FAAH2: variants seen among roughly 807,000 people sequenced by gnomAD.
FAAH2 encodes the protein fatty acid amide hydrolase 2.
A neutral mutation model predicts 36.9 loss-of-function variants in FAAH2; 60 were observed. The observed-to-expected ratio is 1.63, with a 90% CI of 1.32 to 2.02. FAAH2 has a LOEUF of 2.02. Ranked by LOEUF, FAAH2 falls within the 30% of genes most tolerant of loss-of-function variation. FAAH2 has a pLI of 0.00. For synonymous variants in FAAH2, 214 were observed against 143.8 expected, an observed-to-expected ratio of 1.49 and a Z score of -3.49; for missense variants, 689 against 397.5, an observed-to-expected ratio of 1.73 and a Z score of -6.23.
At chrX:57,274,017 G>A in the FAAH2 span, among the ~76,000 whole-genome samples, 23 of 110,861 alleles carry the variant, frequency 2.1e-4, no homozygotes, top group African/African-American at 7.2e-4. Context: ...CTGCTAGCCA[G>A]ACTAATACAG....
the FAAH2 span, among the ~76,000 whole-genome samples, chrX:57,150,283 G>A: frequency 8.9e-6 from 1 of 111,808 alleles, no homozygotes; most frequent in Middle Eastern, 4.6e-3. Flanking sequence ...GGTGCACTTG[G>A]TGCACAGCTG....
intron 7 of FAAH2, among the ~76,000 whole-genome samples, chrX:57,429,243 G>T (rs772535850): frequency 9.2e-6 from 1 of 108,431 alleles, no homozygotes; most frequent in African/African-American, 3.4e-5. Flanking sequence ...GGAGGCTGAG[G>T]CAGGAGAATG....
chrX:57,251,118 T>A, the FAAH2 span, among the ~76,000 whole-genome samples: 1 of 111,811 alleles, frequency 8.9e-6, no homozygotes, highest in South Asian at 3.7e-4. Context: ...GCTGGCCAAC[T>A]GAATTCAAAT....
chrX:57,319,885 A>T (rs922552568), intron 3 of FAAH2, among the ~76,000 whole-genome samples: 3 of 111,874 alleles, frequency 2.7e-5, no homozygotes, highest in Non-Finnish European at 5.6e-5. Context: ...CAGCAATCTG[A>T]TCTTTGACAA....
chrX:57,416,085 A>G (rs774203311), intron 7 of FAAH2, among the ~76,000 whole-genome samples: 1 of 110,392 alleles, frequency 9.1e-6, no homozygotes, highest in South Asian at 3.9e-4. Flanking sequence ...CTAGGTAAAT[A>G]TTCCTTCATC....
the FAAH2 span, among the ~76,000 whole-genome samples, chrX:57,144,776 G>GT: frequency 2.7e-5 from 3 of 110,528 alleles, no homozygotes; most frequent in Admixed American, 9.7e-5. Flanking sequence ...ACAATGTTTG[G>GT]TTTTTTATTC....
chrX:57,389,304 A>G (rs1465719296), intron 7 of FAAH2, among the ~76,000 whole-genome samples: 1 of 101,805 alleles, frequency 9.8e-6, no homozygotes, highest in Non-Finnish European at 2.0e-5. Context: ...ATATATATAT[A>G]TACATATATA....
intron 1 of FAAH2, among the ~76,000 whole-genome samples, chrX:57,288,682 A>T (rs2051891595): frequency 9.0e-6 from 1 of 110,710 alleles, no homozygotes; most frequent in African/African-American, 3.3e-5. Context: ...TGTGTCTCTG[A>T]TGTCCTTTAA....
At chrX:57,156,417 C>T in the FAAH2 span, among the ~76,000 whole-genome samples, 1 of 111,775 alleles carries the variant, frequency 8.9e-6, no homozygotes, top group Non-Finnish European at 1.9e-5. Context: ...TATCATGTCT[C>T]CTGGATGTTC....
the FAAH2 span, among the ~76,000 whole-genome samples, chrX:57,223,357 G>A: frequency 9.0e-6 from 1 of 111,580 alleles, no homozygotes; most frequent in African/African-American, 3.3e-5. Context: ...GGACTTCCAA[G>A]CCCAAAACCT....
chrX:57,225,135 T>G, the FAAH2 span, among the ~76,000 whole-genome samples: 1 of 111,828 alleles, frequency 8.9e-6, no homozygotes, highest in Non-Finnish European at 1.9e-5. Context: ...TTTTTTCAAT[T>G]TCATGCAGTT....
intron 10 of FAAH2, among the ~76,000 whole-genome samples, chrX:57,469,920 A>G (rs1326405809): frequency 2.7e-5 from 3 of 112,052 alleles, no homozygotes; most frequent in Non-Finnish European, 5.6e-5. Context: ...CAGTGCAATC[A>G]AACTAGAACT....
intron 4 of FAAH2, among the ~76,000 whole-genome samples, chrX:57,337,523 C>G (rs1434631152): frequency 1.8e-5 from 2 of 111,778 alleles, no homozygotes; most frequent in Non-Finnish European, 3.8e-5. Flanking sequence ...TACTGGCAAA[C>G]AGAATTTAGC....
the FAAH2 span, among the ~76,000 whole-genome samples, chrX:57,185,514 G>T: frequency 9.2e-6 from 1 of 109,183 alleles, no homozygotes; most frequent in Non-Finnish European, 1.9e-5. Flanking sequence ...GTGTGTGTGT[G>T]TGTGTGTGTG....
At chrX:57,354,575 G>A (rs1480795401) in intron 5 of FAAH2, among the ~76,000 whole-genome samples, 1 of 110,318 alleles carries the variant, frequency 9.1e-6, no homozygotes, top group Admixed American at 9.7e-5. Context: ...TCATAAATTT[G>A]TACAAAACTA....
chrX:57,270,352 C>T, the FAAH2 span, among the ~76,000 whole-genome samples: 4 of 111,629 alleles, frequency 3.6e-5, no homozygotes, highest in Non-Finnish European at 7.5e-5. Flanking sequence ...ATGGACGCCT[C>T]CTTAATTCAT....
At chrX:57,208,172 A>T in the FAAH2 span, among the ~76,000 whole-genome samples, 56 of 112,331 alleles carry the variant, frequency 5.0e-4, no homozygotes, top group South Asian at 7.9e-3. Context: ...TATTCTCCGG[A>T]AAAGAAAGAT....
intron 3 of FAAH2, among the ~76,000 whole-genome samples, chrX:57,327,959 A>G (rs1162756609): frequency 9.0e-6 from 1 of 110,841 alleles, no homozygotes; most frequent in Non-Finnish European, 1.9e-5. Context: ...TTTTTTCCCC[A>G]TCTTTGTGGT....
At chrX:57,444,909 G>A (rs2056641194) in intron 8 of FAAH2, among the ~76,000 whole-genome samples, 1 of 111,618 alleles carries the variant, frequency 9.0e-6, no homozygotes, top group South Asian at 3.7e-4. Flanking sequence ...AAGTTCATTA[G>A]GCTTCCTCAA....
Sources: gnomAD v4.1 joint callset for allele counts (sites outside exome capture counted in the v4.1 genomes callset) on GRCh38, gnomAD v4.1.1 for gene constraint, MANE v1.5 for transcripts, NCBI Gene and HGNC (gene_info 2026-07-23, HGNC 2026-07-21) for gene names.